The following JAKMIP2 variants were observed in gnomAD, a reference collection of about 807,000 sequenced individuals.
JAKMIP2 encodes the protein janus kinase and microtubule interacting protein 2, also known as janus kinase and microtubule-interacting protein 2.
In JAKMIP2, 25 loss-of-function variants were observed where a neutral mutation model predicts 115.0. The observed-to-expected ratio is 0.22, with a 90% CI of 0.16 to 0.30. The LOEUF is 0.30. Ranked by LOEUF, JAKMIP2 falls within the 10% of genes least tolerant of loss-of-function variation. The pLI, the probability that JAKMIP2 is intolerant of heterozygous loss-of-function variation, is 1.00. For missense variants in JAKMIP2, 642 were observed against 957.6 expected (o/e 0.67, Z 4.35); for synonymous variants, 334 against 343.6 (o/e 0.97, Z 0.31).
intron 1 of JAKMIP2, among the ~76,000 whole-genome samples, chr5:147,710,329 C>A (rs1262329598): frequency 3.3e-5 from 5 of 152,162 alleles, no homozygotes; most frequent in Admixed American, 3.3e-4. Flanking sequence ...CTGAAACATA[C>A]AATTTTATCA....
intron 1 of JAKMIP2, among the ~76,000 whole-genome samples, chr5:147,737,624 T>C (rs1025930047): frequency 3.3e-5 from 5 of 152,182 alleles, no homozygotes; most frequent in Non-Finnish European, 5.9e-5. Flanking sequence ...GAATTCTAGA[T>C]TGATTAAGTT....
At chr5:147,729,807 T>C (rs1439718710) in intron 1 of JAKMIP2, among the ~76,000 whole-genome samples, 1 of 148,334 alleles carries the variant, frequency 6.7e-6, no homozygotes, top group Non-Finnish European at 1.5e-5. Flanking sequence ...TTCTGTGAAA[T>C]ATTTATTCCC....
At chr5:147,629,664 T>C (rs374251206) in intron 15 of JAKMIP2, 29 bp downstream of exon 15, 104 of 1,570,842 alleles carry the variant, frequency 6.6e-5, no homozygotes, top group Non-Finnish European at 8.3e-5. Flanking sequence ...GGCAAATTCA[T>C]ATCTATACTA....
intron 1 of JAKMIP2, among the ~76,000 whole-genome samples, chr5:147,766,553 GGGATAAGTGAACTT>G (rs1317659803): frequency 2.0e-5 from 3 of 152,028 alleles, no homozygotes; most frequent in Non-Finnish European, 2.9e-5. Context: ...AATCAGAGCT[GGGATAAGTGAACTT>G]GGTACCAAAA....
intron 20 of JAKMIP2, among the ~76,000 whole-genome samples, chr5:147,608,864 T>A (rs893194703): frequency 2.6e-5 from 4 of 152,236 alleles, no homozygotes; most frequent in Non-Finnish European, 4.4e-5. Flanking sequence ...GTTCCTATAT[T>A]GGATGCATAT....
chr5:147,756,384 C>A (rs139021758), intron 1 of JAKMIP2, among the ~76,000 whole-genome samples: 2 of 152,150 alleles, frequency 1.3e-5, no homozygotes, highest in Non-Finnish European at 2.9e-5. Context: ...AACCACCCAG[C>A]CTTAGAATTA....
chr5:147,720,099 T>C (rs1294809237), intron 1 of JAKMIP2, among the ~76,000 whole-genome samples: 9 of 152,092 alleles, frequency 5.9e-5, no homozygotes, highest in East Asian at 1.9e-4. Flanking sequence ...ATTTCTCCTT[T>C]GCTTATGAAG....
At position 147,652,152 on chromosome 5, in the gene JAKMIP2, T is replaced by G. The variant is rs545836520; in HGVS notation, c.628-1605A>C. On this transcript the variant is annotated intron_variant, in intron 3 of 21. Transcript: ENST00000616793. ...TATGCCTTATTTTATAACAATCCTA[T>G]TCAGTAGGTTCAGTCGTCATCATTT... is the stretch of plus-strand genomic sequence containing the variant. Among the ~76,000 whole-genome samples the G allele has an allele frequency of 2.4e-4, 37 of 152,208 alleles. No homozygotes were observed. In the South Asian group the frequency reaches 7.5e-3, roughly 31 times the overall value.
At chr5:147,712,745 A>G (rs1217546981) in intron 1 of JAKMIP2, among the ~76,000 whole-genome samples, 1 of 152,114 alleles carries the variant, frequency 6.6e-6, no homozygotes, top group East Asian at 1.9e-4. Flanking sequence ...AGCACCCAGC[A>G]CCCACCCCTT....
chr5:147,693,691 A>T (rs1313119145), intron 1 of JAKMIP2, among the ~76,000 whole-genome samples: 1 of 152,148 alleles, frequency 6.6e-6, no homozygotes, highest in Non-Finnish European at 1.5e-5. Flanking sequence ...CCCTGCTTTC[A>T]TTCTTTTGAA....
chr5:147,722,814 T>C (rs1240585727), intron 1 of JAKMIP2, among the ~76,000 whole-genome samples: 5 of 152,158 alleles, frequency 3.3e-5, no homozygotes. Context: ...AAAAGTTATC[T>C]AACTTAAAAA....
At chr5:147,603,576 A>C (rs1049592047) in intron 20 of JAKMIP2, among the ~76,000 whole-genome samples, 1 of 152,204 alleles carries the variant, frequency 6.6e-6, no homozygotes, top group African/African-American at 2.4e-5. Context: ...AGGAGAACTG[A>C]AGTCCAATGA....
intron 2 of JAKMIP2, among the ~76,000 whole-genome samples, chr5:147,671,068 A>G (rs1046751833): frequency 1.3e-5 from 2 of 152,206 alleles, no homozygotes; most frequent in Non-Finnish European, 2.9e-5. Flanking sequence ...GTGAAGGAGC[A>G]TGGAGCTGTC....
At chr5:147,774,990 T>G (rs1274892692) in intron 1 of JAKMIP2, among the ~76,000 whole-genome samples, 1 of 152,178 alleles carries the variant, frequency 6.6e-6, no homozygotes, top group South Asian at 2.1e-4. Context: ...GATTTAGTTT[T>G]CCATGCATAT....
At chr5:147,765,340 T>C (rs148443695) in intron 1 of JAKMIP2, among the ~76,000 whole-genome samples, 1 of 152,228 alleles carries the variant, frequency 6.6e-6, no homozygotes, top group African/African-American at 2.4e-5. Context: ...TTTTTCCAAC[T>C]GATGGTGATG....
chr5:147,670,705 A>G (rs531334766), intron 2 of JAKMIP2, among the ~76,000 whole-genome samples: 2 of 152,320 alleles, frequency 1.3e-5, no homozygotes, highest in African/African-American at 4.8e-5. Context: ...CAATCCTCAT[A>G]AGCACATAAT....
chr5:147,751,567 T>G (rs1434469954), intron 1 of JAKMIP2, among the ~76,000 whole-genome samples: 1 of 133,064 alleles, frequency 7.5e-6, no homozygotes, highest in Non-Finnish European at 1.5e-5. Context: ...ATTAGGAGTC[T>G]CTTCCATAAG....
chr5:147,594,439 A>G (rs1755253316), intron 21 of JAKMIP2: 1 of 455,440 alleles, frequency 2.2e-6, no homozygotes, highest in South Asian at 1.5e-5. Context: ...GGCTTAAGCC[A>G]TCCTTGCACT....
chr5:147,720,367 C>G (rs1227612151), intron 1 of JAKMIP2, among the ~76,000 whole-genome samples: 2 of 149,824 alleles, frequency 1.3e-5, no homozygotes, highest in African/African-American at 4.9e-5. Flanking sequence ...GTGGCGTTCT[C>G]TGTATTTCCT....
Sources: gnomAD v4.1 joint callset for allele counts (sites outside exome capture counted in the v4.1 genomes callset) on GRCh38, gnomAD v4.1.1 for gene constraint, MANE v1.5 for transcripts, NCBI Gene and HGNC (gene_info 2026-07-23, HGNC 2026-07-21) for gene names.